Variants in LAMA3 observed in about 807,000 individuals in gnomAD.
LAMA3 encodes laminin subunit alpha 3.
A neutral mutation model predicts 402.0 loss-of-function variants in LAMA3; 281 were observed. The observed-to-expected ratio is 0.70, with a 90% CI of 0.63 to 0.77. The LOEUF is 0.77. Among genes scored for constraint, LAMA3 ranks in the 30% least tolerant of loss-of-function variants. The pLI, the probability that LAMA3 is intolerant of heterozygous loss-of-function variation, is 0.00. For synonymous variants in LAMA3, 1,431 were observed against 1,558.4 expected (o/e 0.92, Z 1.93); for missense variants, 3,840 against 4,215.5 (o/e 0.91, Z 2.47).
At chr18:23,755,827 C>T (rs553748941) in intron 6 of LAMA3, among the ~76,000 whole-genome samples, 14 of 152,260 alleles carry the variant, frequency 9.2e-5, no homozygotes, top group South Asian at 6.2e-4. Context: ...GTGGTCATCA[C>T]GAAGGGAATT....
intron 11 of LAMA3, among the ~76,000 whole-genome samples, chr18:23,779,381 G>A (rs190466505): frequency 4.4e-4 from 67 of 152,244 alleles, no homozygotes; most frequent in Middle Eastern, 3.4e-3. Context: ...TGGTGTCAGC[G>A]GAGGTGACAG....
At chr18:23,898,692 T>A (rs1403119821) in intron 44 of LAMA3, 46 bp from the exon 45 acceptor site, 2 of 1,042,440 alleles carry the variant, frequency 1.9e-6, no homozygotes, top group African/African-American at 3.1e-5. Context: ...TGATAGGACT[T>A]AGTCTTTATA....
At chr18:23,785,660 CTGTT>C (rs1448953031) in intron 12 of LAMA3, among the ~76,000 whole-genome samples, 1 of 152,198 alleles carries the variant, frequency 6.6e-6, no homozygotes, top group Admixed American at 6.5e-5. Context: ...AGCCATCTCC[CTGTT>C]TGTTTAAATG....
At chr18:23,940,201 G>GA (rs2082450272) in intron 68 of LAMA3, among the ~76,000 whole-genome samples, 2 of 152,214 alleles carry the variant, frequency 1.3e-5, no homozygotes, top group African/African-American at 4.8e-5. Context: ...AGATGGCTGT[G>GA]GGCCTGCAGA....
At position 23,954,939 on chromosome 18, in the gene LAMA3, T is replaced by C. The variant is rs2083060278; in HGVS notation, c.*291T>C. On this transcript the variant is annotated 3_prime_UTR_variant, in exon 75 of 75. Coordinates refer to ENST00000313654, the MANE Select transcript of LAMA3 (RefSeq NM_198129.4). ...TTCCACTAAAAAATTAAATGTCTTT[T>C]AAGAAACATTCTTTTCCACTTGTTA... 3 of 381,078 alleles carry C rather than the reference T, an allele frequency of 7.9e-6. No individual in the cohort carries two copies. The highest frequency in any genetic ancestry group is 1.4e-5 in the Non-Finnish European group (3 of 207,284). 23.6% of individuals were successfully genotyped at this position (381,078 alleles called of 1,614,324 possible).
chr18:23,836,518 G>A (rs1443215406), intron 24 of LAMA3, among the ~76,000 whole-genome samples: 1 of 152,198 alleles, frequency 6.6e-6, no homozygotes, highest in Non-Finnish European at 1.5e-5. Context: ...AAGGAAGAAG[G>A]AGGAGAACCA....
intron 60 of LAMA3, among the ~76,000 whole-genome samples, chr18:23,919,945 G>A (rs376917120): frequency 1.7e-4 from 26 of 152,100 alleles, no homozygotes; most frequent in African/African-American, 6.0e-4. Flanking sequence ...GCTGAGACTA[G>A]GTGGGATGAC....
chr18:23,804,859 G>A (rs1020394227), intron 12 of LAMA3, among the ~76,000 whole-genome samples: 2 of 152,124 alleles, frequency 1.3e-5, no homozygotes, highest in African/African-American at 4.8e-5. Flanking sequence ...CCTTGCTTCT[G>A]TTCTTGCTAT....
Position 23,814,397 on chromosome 18 carries a change from T to C in LAMA3, c.1789-6T>C. On this transcript the variant is annotated splice_region_variant and splice_polypyrimidine_tract_variant and intron_variant, in intron 14 of 74. Transcript: ENST00000313654. Reference sequence around the variant, plus strand: ...TGTCAAATGTTTGTTTGATTTTCATTCAAAGGGGTATTGCCAATGCAAGCT... The same window carrying C: ...TGTCAAATGTTTGTTTGATTTTCATCCAAAGGGGTATTGCCAATGCAAGCT... 6.3e-7 allele frequency: 1 copy of C among 1,593,414 alleles called. No homozygotes were observed. The highest frequency in any genetic ancestry group is 1.1e-5 in the South Asian group (1 of 90,626).
chr18:23,806,382 C>T, intron 12 of LAMA3, among the ~76,000 whole-genome samples: 1 of 152,140 alleles, frequency 6.6e-6, no homozygotes, highest in East Asian at 1.9e-4. Flanking sequence ...TTGTACTTCA[C>T]CTTTCAGGGC....
intron 41 of LAMA3, among the ~76,000 whole-genome samples, chr18:23,889,686 AAGGAAGGAAGGG>A (rs1234992404): frequency 2.3e-5 from 2 of 85,634 alleles, no homozygotes; most frequent in East Asian, 6.2e-4. Context: ...GGAAGGAAGG[AAGGAAGGAAGGG>A]AGGGAGGAAG....
At position 23,712,375 on chromosome 18, in the gene LAMA3, G is replaced by A. The variant is rs1172118545; in HGVS notation, c.295-1545G>A. Among the ~76,000 whole-genome samples the A allele has an allele frequency of 7.6e-5, 8 of 104,636 alleles. No individual in the cohort carries two copies. The South Asian group carries it at 1.5e-3, about 20-fold the overall frequency. The allele number at this position is 104,636 out of a possible 152,430, so 68.6% of individuals were successfully genotyped here. On this transcript the variant is annotated intron_variant, in intron 1 of 74. Coordinates refer to ENST00000313654, the MANE Select transcript of LAMA3 (RefSeq NM_198129.4). Reference sequence around the variant, plus strand: ...GCCTGGGCAACAAGAGTAAAACTCCGTCTCAAAAAAAAAAAAAAAAAAGTT... The same window carrying A: ...GCCTGGGCAACAAGAGTAAAACTCCATCTCAAAAAAAAAAAAAAAAAAGTT...
intron 20 of LAMA3, among the ~76,000 whole-genome samples, chr18:23,822,949 T>A (rs2063315422): frequency 6.6e-6 from 1 of 152,226 alleles, no homozygotes; most frequent in Non-Finnish European, 1.5e-5. Context: ...CCCGCAGGTC[T>A]GTTCTTCAAG....
intron 17 of LAMA3, 40 bp downstream of exon 17, chr18:23,815,613 G>T: frequency 8.2e-7 from 1 of 1,226,106 alleles, no homozygotes; most frequent in South Asian, 1.2e-5. Context: ...GCACAGTGTT[G>T]ATGGACAAAG....
chr18:23,761,001 G>T (rs931426799), intron 7 of LAMA3, among the ~76,000 whole-genome samples: 3 of 152,058 alleles, frequency 2.0e-5, no homozygotes, highest in Admixed American at 6.5e-5. Context: ...TTTGGGGTGG[G>T]GGGGGCACAA....
intron 17 of LAMA3, 39 bp from the exon 18 acceptor site, chr18:23,816,349 T>C: frequency 2.0e-6 from 3 of 1,528,162 alleles, no homozygotes; most frequent in Non-Finnish European, 2.7e-6. Context: ...AGTGTGGAGA[T>C]GGTTTAAGGT....
intron 32 of LAMA3, among the ~76,000 whole-genome samples, chr18:23,848,580 C>T (rs2063874579): frequency 6.6e-6 from 1 of 152,140 alleles, no homozygotes. Flanking sequence ...CACCCCACTC[C>T]CTTCAGCACG....
At chr18:23,894,538 T>C (rs1010598973) in intron 43 of LAMA3, among the ~76,000 whole-genome samples, 190 bp downstream of exon 43, 13 of 152,172 alleles carry the variant, frequency 8.5e-5, no homozygotes, top group Admixed American at 6.5e-5. Context: ...TCTCCAAGCC[T>C]CAGTTTCATC....
intron 29 of LAMA3, among the ~76,000 whole-genome samples, chr18:23,844,370 T>C (rs547687392): frequency 5.3e-5 from 8 of 152,210 alleles, no homozygotes; most frequent in Non-Finnish European, 1.2e-4. Context: ...GCCACTTTTG[T>C]TTGTTTCCCT....
Sources: gnomAD v4.1 joint callset for allele counts (sites outside exome capture counted in the v4.1 genomes callset) on GRCh38, gnomAD v4.1.1 for gene constraint, MANE v1.5 for transcripts, NCBI Gene and HGNC (gene_info 2026-07-23, HGNC 2026-07-21) for gene names.